ZNF423: variants seen among roughly 807,000 people sequenced by gnomAD.
ZNF423 encodes zinc finger protein 423.
ZNF423 carries 12 observed loss-of-function variants against 95.8 expected under a neutral mutation model. That is an observed-to-expected ratio of 0.13 (90% CI 0.08 to 0.20). The LOEUF is 0.20. Among genes scored for constraint, ZNF423 ranks in the 10% least tolerant of loss-of-function variants. The probability of loss-of-function intolerance (pLI) is 1.00; values close to 1 mark genes in which losing one functional copy is unlikely to be tolerated. For missense variants in ZNF423, 1,316 were observed against 1,737.1 expected (o/e 0.76, Z 4.31); for synonymous variants, 749 against 711.9 (o/e 1.05, Z -0.83).
At chr16:49,711,834 C>G (rs750264222) in intron 3 of ZNF423, 1 of 152,244 alleles carries the variant, frequency 6.6e-6, no homozygotes, top group Non-Finnish European at 1.5e-5. Context: ...TATGGCCAGA[C>G]GCAGTAGCTC....
chr16:49,794,996 C>T (rs901980840), intron 1 of ZNF423, among the ~76,000 whole-genome samples: 31 of 152,138 alleles, frequency 2.0e-4, no homozygotes, highest in Non-Finnish European at 2.1e-4. Flanking sequence ...CTCAGCCTCC[C>T]GAGTAGCTGG....
chr16:49,632,408 T>C (rs1487194086), intron 4 of ZNF423, among the ~76,000 whole-genome samples: 3 of 152,078 alleles, frequency 2.0e-5, no homozygotes, highest in South Asian at 4.1e-4. Context: ...TGTCCCCAGG[T>C]GTGCCCACAC....
upstream of ZNF423, among the ~76,000 whole-genome samples, chr16:49,857,306 T>TGGCGGCGGCGGCGGCGGCGGC (rs59062897): frequency 6.9e-6 from 1 of 144,354 alleles, no homozygotes; most frequent in African/African-American, 2.5e-5. This position sits in a 1 kb window ranked among gnomAD's most constrained non-coding sequence, Gnocchi z 6.2. Context: ...CGGACCGTGG[T>TGGCGGCGGCGGCGGCGGCGGC]GGCGGCGGCG....
At chr16:49,620,214 C>CACACAG (rs1972022116) in intron 5 of ZNF423, among the ~76,000 whole-genome samples, 1 of 134,252 alleles carries the variant, frequency 7.4e-6, no homozygotes, top group African/African-American at 3.0e-5. Context: ...CACACAGACA[C>CACACAG]ACACATACAC....
chr16:49,513,638 G>T (rs1423008007), intron 7 of ZNF423, among the ~76,000 whole-genome samples: 1 of 116,586 alleles, frequency 8.6e-6, no homozygotes, highest in Non-Finnish European at 1.8e-5. Flanking sequence ...TATGGGGATG[G>T]ATGGATGGAT....
chr16:49,731,746 G>A (rs1384110415), intron 2 of ZNF423, among the ~76,000 whole-genome samples: 10 of 152,046 alleles, frequency 6.6e-5, no homozygotes, highest in Admixed American at 6.5e-4. Context: ...GGAGTTCGAG[G>A]TTACGGGGAA....
At chr16:49,667,504 A>T (rs1292009638) in intron 3 of ZNF423, among the ~76,000 whole-genome samples, 1 of 152,242 alleles carries the variant, frequency 6.6e-6, no homozygotes, top group Non-Finnish European at 1.5e-5. Flanking sequence ...CCAGAGTCAG[A>T]CCATTATCTT....
chr16:49,703,124 C>T (rs1211127677), intron 3 of ZNF423, among the ~76,000 whole-genome samples: 3 of 152,216 alleles, frequency 2.0e-5, no homozygotes, highest in African/African-American at 7.2e-5. Context: ...CTGGGCTCTG[C>T]GGTTACCGCT....
intron 2 of ZNF423, among the ~76,000 whole-genome samples, chr16:49,741,178 A>T (rs2033406608): frequency 6.8e-6 from 1 of 146,706 alleles, no homozygotes; most frequent in South Asian, 2.2e-4. Flanking sequence ...GATGGTCAGC[A>T]CTGCAAACAC....
intron 1 of ZNF423, among the ~76,000 whole-genome samples, chr16:49,852,212 G>A (rs1449155343): frequency 1.3e-5 from 2 of 152,108 alleles, no homozygotes; most frequent in Admixed American, 6.5e-5. Context: ...AGGGAGTGCC[G>A]AGAGGTCACT....
Position 49,635,323 on chromosome 16 carries a change from G to A in ZNF423, c.3516+337C>T, listed in dbSNP as rs921180192. On this transcript the variant is annotated intron_variant, in intron 4 of 7. Transcript: ENST00000563137. The surrounding 1 kb of genome is among the most constrained non-coding windows in gnomAD (Gnocchi z 4.8). ...CCACCACCCATGGTGCCCTCACTGTGCATCAGCCACTGTGCCAGGCACATT... is the reference window on the plus strand; with the variant it reads ...CCACCACCCATGGTGCCCTCACTGTACATCAGCCACTGTGCCAGGCACATT... 2.0e-5 allele frequency among the ~76,000 whole-genome samples: 3 copies of A among 152,234 alleles called. No individual in the cohort carries two copies. Among genetic ancestry groups the A allele is most frequent in the Non-Finnish European group, 4.4e-5 (3 of 68,054 alleles).
chr16:49,706,026 G>A (rs1355986570), intron 3 of ZNF423, among the ~76,000 whole-genome samples: 2 of 152,262 alleles, frequency 1.3e-5, no homozygotes, highest in Admixed American at 1.3e-4. Flanking sequence ...TTACAGGGAG[G>A]CACACTGCGG....
chr16:49,849,719 A>C (rs1211822467), intron 1 of ZNF423, among the ~76,000 whole-genome samples: 2 of 152,186 alleles, frequency 1.3e-5, no homozygotes, highest in East Asian at 1.9e-4. Context: ...ACGAAACAAC[A>C]ACCACAACAA....
chr16:49,702,935 A>G lies in ZNF423; in HGVS notation c.301+27836T>C, dbSNP rs948145090. Among the ~76,000 whole-genome samples the G allele has an allele frequency of 6.9e-5, 10 of 144,996 alleles. No homozygotes were observed. The South Asian group carries it at 2.7e-3, about 40-fold the overall frequency. On this transcript the variant is annotated intron_variant, in intron 3 of 7. Transcript: ENST00000563137. ...CACACACACACACACACACACACAC[A>G]CACACACACACACACTCCATGGCAG...
chr16:49,526,673 C>G (rs1325662143), intron 5 of ZNF423, among the ~76,000 whole-genome samples: 1 of 152,218 alleles, frequency 6.6e-6, no homozygotes, highest in African/African-American at 2.4e-5. Flanking sequence ...TTCACATCAC[C>G]TGGGGTTGGA....
In ZNF423 at chr16:49,855,260, G is replaced by A. The variant is rs1475447369; in HGVS notation, c.40+475C>T. Among the ~76,000 whole-genome samples the A allele has an allele frequency of 2.0e-5, 3 of 151,182 alleles. No individual in the cohort carries two copies. Among genetic ancestry groups the A allele is most frequent in the Non-Finnish European group, 4.4e-5 (3 of 67,658 alleles). On this transcript the variant is annotated intron_variant, in intron 1 of 7. Transcript: ENST00000563137. The surrounding 1 kb of genome is among the most constrained non-coding windows in gnomAD (Gnocchi z 4.7). ...GGGCCAGAGAGAGCCAGCGAGGCCC[G>A]GGGCCAGCGAGGAGCGGTCGGCCTG...
intron 5 of ZNF423, among the ~76,000 whole-genome samples, chr16:49,537,824 G>A (rs931935522): frequency 3.3e-5 from 5 of 152,228 alleles, no homozygotes; most frequent in African/African-American, 1.2e-4. Flanking sequence ...CCGATGGGAT[G>A]CCCCAAGCTC....
chr16:49,841,989 C>G (rs567917572), intron 1 of ZNF423, among the ~76,000 whole-genome samples: 35 of 152,236 alleles, frequency 2.3e-4, no homozygotes, highest in Admixed American at 2.2e-3. Context: ...GCAATCCCAG[C>G]ACTTTGGGAG....
At chr16:49,527,135 C>G (rs893523195) in intron 5 of ZNF423, among the ~76,000 whole-genome samples, 2 of 152,106 alleles carry the variant, frequency 1.3e-5, no homozygotes, top group African/African-American at 4.8e-5. Context: ...GCCCAGCCAT[C>G]CCCCGCACCC....
Sources: allele counts gnomAD v4.1 joint callset (sites outside exome capture counted in the v4.1 genomes callset), GRCh38; gene constraint gnomAD v4.1.1; non-coding constraint Gnocchi (gnomAD v3.1); transcripts MANE v1.5; gene names NCBI Gene and HGNC (gene_info 2026-07-23, HGNC 2026-07-21).